The following ANK2 variants were observed in gnomAD, a reference collection of about 807,000 sequenced individuals.
ANK2 encodes ankyrin 2.
A neutral mutation model predicts 360.5 loss-of-function variants in ANK2; 83 were observed. That is an observed-to-expected ratio of 0.23 (90% CI 0.19 to 0.28). The LOEUF (loss-of-function observed/expected upper bound fraction) is 0.28. Among genes scored for constraint, ANK2 ranks in the 10% least tolerant of loss-of-function variants. ANK2 has a pLI of 1.00. For missense variants in ANK2, 4,201 were observed against 4,795.7 expected (o/e 0.88, Z 3.66); for synonymous variants, 1,740 against 1,759.5 (o/e 0.99, Z 0.28).
Position 113,166,856 on chromosome 4 carries a change from C to T in ANK2, c.85-7560C>T, listed in dbSNP as rs2097770275. Among the ~76,000 whole-genome samples, 3 of 152,130 alleles carry T rather than the reference C, an allele frequency of 2.0e-5. No individual in the cohort carries two copies. The South Asian group carries it at 6.2e-4, about 32-fold the overall frequency. On this transcript the variant is annotated intron_variant, in intron 1 of 45. Coordinates refer to ENST00000357077, the MANE Select transcript of ANK2 (RefSeq NM_001148.6). ...CATGTTGAAGAACAGGGGAGTAATG[C>T]TATTTATACAATATATACCAAGGAT...
chr4:112,850,284 C>G (rs1425399802), intron 1 of ANK2, among the ~76,000 whole-genome samples: 1 of 134,064 alleles, frequency 7.5e-6, no homozygotes, highest in African/African-American at 3.1e-5. Flanking sequence ...ATCTATCTAT[C>G]TATCTATCTA....
the ANK2 span, chr4:112,788,257 C>T: frequency 2.5e-3 from 3,909 of 1,587,316 alleles, 4 homozygotes; most frequent in Non-Finnish European, 3.2e-3. Flanking sequence ...CTTTGTCTTC[C>T]GAGTTCACCT....
At chr4:112,731,634 G>A in the ANK2 span, among the ~76,000 whole-genome samples, 2 of 150,836 alleles carry the variant, frequency 1.3e-5, no homozygotes, top group Non-Finnish European at 3.0e-5. Context: ...CAGAGGCTGT[G>A]AGGTGGGAGG....
chr4:113,346,071 T>A (rs1369866186), intron 35 of ANK2, 49 bp downstream of exon 35: 2 of 1,607,438 alleles, frequency 1.2e-6, no homozygotes, highest in Non-Finnish European at 1.7e-6. Flanking sequence ...AGGAATTGAT[T>A]TTTAAATCTT....
chr4:113,280,614 C>T (rs1182101063), intron 17 of ANK2, among the ~76,000 whole-genome samples: 1 of 152,186 alleles, frequency 6.6e-6, no homozygotes, highest in Non-Finnish European at 1.5e-5. Context: ...GGTCCTTTGG[C>T]CACGAGAACT....
intron 43 of ANK2, 137 bp downstream of exon 43, chr4:113,369,942 C>T: frequency 1.0e-6 from 1 of 995,576 alleles, no homozygotes; most frequent in Non-Finnish European, 1.5e-6. Flanking sequence ...CACATGGAAA[C>T]CCTCAATCCC....
rs370654108 is a variant in ANK2 at position 113,116,699 on chromosome 4, GGCA to G, written c.85-57694_85-57692del. On this transcript the variant is annotated intron_variant, in intron 1 of 45. Transcript: ENST00000357077. The stretch of plus-strand genomic sequence containing the variant: ...GCAACGGCAGTAACAGCAGTAGCAC[GGCA>G]GCAGCAGCAGCAGCAGCAGCAGAGT... Among the ~76,000 whole-genome samples, 10 of 151,722 alleles carry G rather than the reference GGCA, an allele frequency of 6.6e-5. No homozygotes were observed. The highest frequency in any genetic ancestry group is 1.2e-4 in the African/African-American group (5 of 41,434).
chr4:113,255,977 A>G (rs1489959950), intron 11 of ANK2, 45 bp downstream of exon 11: 2 of 1,587,266 alleles, frequency 1.3e-6, no homozygotes, highest in Admixed American at 3.3e-5. Context: ...GATTGAGACA[A>G]ACAAACCCAC....
chr4:112,721,829 AT>A, the ANK2 span, among the ~76,000 whole-genome samples: 1 of 152,196 alleles, frequency 6.6e-6, no homozygotes, highest in Non-Finnish European at 1.5e-5. Context: ...AAAGCAATTC[AT>A]TGTTTGAGTA....
chr4:112,757,112 C>CT, the ANK2 span, among the ~76,000 whole-genome samples: 2,442 of 135,316 alleles, frequency 0.018, 42 homozygotes, highest in Non-Finnish European at 0.028. Flanking sequence ...CTTTTCTTTT[C>CT]TTTTTTTTTT....
chr4:113,092,159 G>T (rs1581307062), intron 1 of ANK2, among the ~76,000 whole-genome samples: 1 of 152,088 alleles, frequency 6.6e-6, no homozygotes, highest in African/African-American at 2.4e-5. Context: ...GTTTTTAAAT[G>T]TGGTAATGTA....
At chr4:112,710,998 C>T in the ANK2 span, among the ~76,000 whole-genome samples, 1 of 147,882 alleles carries the variant, frequency 6.8e-6, no homozygotes, top group Non-Finnish European at 1.5e-5. Flanking sequence ...CTATGTTGTC[C>T]AGGCTGGTCT....
intron 1 of ANK2, among the ~76,000 whole-genome samples, chr4:113,091,126 A>G (rs1349587451): frequency 1.3e-5 from 2 of 152,174 alleles, no homozygotes; most frequent in Non-Finnish European, 2.9e-5. Context: ...CCCATCTTTG[A>G]ACCATATCAT....
intron 1 of ANK2, 139 bp from the exon 2 acceptor site, chr4:113,174,277 C>T (rs1214197922): frequency 6.1e-6 from 4 of 658,128 alleles, no homozygotes; most frequent in Non-Finnish European, 1.1e-5. Context: ...AATGATTATT[C>T]AATGTTTTAA....
At chr4:113,215,457 T>C (rs1381958368) in intron 4 of ANK2, among the ~76,000 whole-genome samples, 4 of 152,162 alleles carry the variant, frequency 2.6e-5, no homozygotes, top group African/African-American at 2.4e-5. Flanking sequence ...AAGAAATAAA[T>C]TGACTGGAGT....
intron 2 of ANK2, among the ~76,000 whole-genome samples, chr4:112,983,273 A>G (rs2043697896): frequency 6.6e-6 from 1 of 152,174 alleles, no homozygotes; most frequent in African/African-American, 2.4e-5. Context: ...TGTATGTTAT[A>G]AAATAATTAT....
chr4:112,786,788 G>A, the ANK2 span, among the ~76,000 whole-genome samples: 7 of 141,112 alleles, frequency 5.0e-5, no homozygotes, highest in East Asian at 4.1e-4. Flanking sequence ...TCACTTTGTC[G>A]CACAGGCTGG....
intron 1 of ANK2, among the ~76,000 whole-genome samples, chr4:113,129,956 T>C (rs13149379): frequency 0.69 from 105,137 of 151,994 alleles, 36,680 homozygotes; most frequent in African/African-American, 0.72. Flanking sequence ...TTCTGTTTTG[T>C]GAAATTATAA....
At chr4:112,827,395 G>C (rs1156893598) in intron 1 of ANK2, 4 of 1,379,492 alleles carry the variant, frequency 2.9e-6, no homozygotes, top group Non-Finnish European at 4.1e-6. Flanking sequence ...AGCTCTTGCA[G>C]CTATTGGACC....
Sources: allele counts gnomAD v4.1 joint callset (sites outside exome capture counted in the v4.1 genomes callset), GRCh38; gene constraint gnomAD v4.1.1; transcripts MANE v1.5; gene names NCBI Gene and HGNC (gene_info 2026-07-23, HGNC 2026-07-21).